Variants in DSCAM observed in about 807,000 individuals in gnomAD.
DSCAM encodes the protein cell adhesion molecule DSCAM.
Under a neutral mutation model 217.7 loss-of-function variants are expected in DSCAM, and 47 were observed. The observed-to-expected ratio is 0.22, with a 90% CI of 0.17 to 0.28. The LOEUF is 0.28. DSCAM is among the 10% of genes least tolerant of loss of function. DSCAM has a pLI of 1.00. For synonymous variants in DSCAM, 1,056 were observed against 1,015.3 expected (o/e 1.04, Z -0.76); for missense variants, 2,080 against 2,618.3 (o/e 0.79, Z 4.49).
intron 3 of DSCAM, among the ~76,000 whole-genome samples, chr21:40,447,078 TGCAGATGAGATCCCTTCCCTAGCA>T (rs1422697559): frequency 2.0e-5 from 3 of 152,160 alleles, no homozygotes; most frequent in Admixed American, 2.0e-4. Context: ...TGGTGTGGGA[TGCAGATGAGATCCCTTCCCTAGCA>T]GCACAGGGGT....
chr21:40,329,791 A>T (rs931014517), intron 8 of DSCAM, among the ~76,000 whole-genome samples: 1 of 152,178 alleles, frequency 6.6e-6, no homozygotes, highest in Non-Finnish European at 1.5e-5. Context: ...AGCCAGGCAC[A>T]TAAAGGCAAA....
At chr21:40,465,477 G>T (rs2075837115) in intron 3 of DSCAM, among the ~76,000 whole-genome samples, 1 of 152,110 alleles carries the variant, frequency 6.6e-6, no homozygotes, top group Admixed American at 6.5e-5. Flanking sequence ...TGTTCAAATG[G>T]ATCCAGATCA....
intron 3 of DSCAM, among the ~76,000 whole-genome samples, chr21:40,416,703 A>C (rs1400904106): frequency 6.6e-6 from 1 of 152,162 alleles, no homozygotes; most frequent in Non-Finnish European, 1.5e-5. Flanking sequence ...CTAAAAGAAA[A>C]TAAGGATCCT....
intron 1 of DSCAM, among the ~76,000 whole-genome samples, chr21:40,799,424 C>T (rs1054003881): frequency 6.6e-6 from 1 of 152,126 alleles, no homozygotes; most frequent in East Asian, 1.9e-4. Context: ...AATTATTCTA[C>T]AGTATTAGAT....
intron 3 of DSCAM, among the ~76,000 whole-genome samples, chr21:40,515,368 C>T (rs978715497): frequency 1.3e-5 from 2 of 152,288 alleles, no homozygotes; most frequent in African/African-American, 2.4e-5. Flanking sequence ...CAAGTTGCCT[C>T]ATTTTCTCCA....
intron 11 of DSCAM, among the ~76,000 whole-genome samples, chr21:40,262,721 G>A (rs1452649798): frequency 2.0e-5 from 3 of 152,230 alleles, no homozygotes; most frequent in Non-Finnish European, 4.4e-5. Flanking sequence ...CTACAAGTAT[G>A]TGACTGATGG....
chr21:40,167,373 G>A (rs2090608569), intron 15 of DSCAM, 85 bp from the exon 16 acceptor site: 1 of 1,171,646 alleles, frequency 8.5e-7, no homozygotes, highest in Non-Finnish European at 1.3e-6. Flanking sequence ...GGTCCCCGAG[G>A]ACAACCCATC....
intron 3 of DSCAM, among the ~76,000 whole-genome samples, chr21:40,543,611 G>C (rs965561017): frequency 6.6e-6 from 1 of 152,066 alleles, no homozygotes; most frequent in Non-Finnish European, 1.5e-5. Flanking sequence ...GGGGGGCAGG[G>C]ATCCCAAATC....
intron 3 of DSCAM, among the ~76,000 whole-genome samples, chr21:40,411,727 T>TA (rs775622673): frequency 5.3e-5 from 8 of 152,128 alleles, no homozygotes. Flanking sequence ...CCAATATAAG[T>TA]AATGAAATAC....
At chr21:40,079,803 G>C (rs1269492693) in intron 25 of DSCAM, among the ~76,000 whole-genome samples, 2 of 110,710 alleles carry the variant, frequency 1.8e-5, no homozygotes, top group African/African-American at 2.7e-5. Flanking sequence ...TGATAGGAAG[G>C]TGGGAGCAAG....
chr21:40,171,570 TA>T (rs1389834089), intron 15 of DSCAM, among the ~76,000 whole-genome samples: 3,022 of 123,892 alleles, frequency 0.024, 65 homozygotes, highest in African/African-American at 0.064. Flanking sequence ...TCCCTCCTCC[TA>T]AAAAAAAAAA....
At chr21:40,525,328 T>A (rs2076392370) in intron 3 of DSCAM, among the ~76,000 whole-genome samples, 2 of 152,182 alleles carry the variant, frequency 1.3e-5, no homozygotes, top group South Asian at 4.1e-4. Flanking sequence ...ATGAGGCATG[T>A]CTTCCTCTTT....
At chr21:40,348,235 T>C (rs111799292) in intron 5 of DSCAM, among the ~76,000 whole-genome samples, 3 of 150,138 alleles carry the variant, frequency 2.0e-5, no homozygotes, top group East Asian at 2.0e-4. Context: ...AGCCACATTA[T>C]TGCAATCATA....
At chr21:40,597,492 G>T (rs1358894106) in intron 3 of DSCAM, among the ~76,000 whole-genome samples, 11 of 120,270 alleles carry the variant, frequency 9.1e-5, no homozygotes, top group South Asian at 5.5e-4. Context: ...CTTTTTTACA[G>T]TAATAGGCTT....
At chr21:40,343,826 ACTTT>A in intron 6 of DSCAM, among the ~76,000 whole-genome samples, 1 of 149,866 alleles carries the variant, frequency 6.7e-6, no homozygotes, top group Non-Finnish European at 1.5e-5. Context: ...ATTTTATTTT[ACTTT>A]ATTTTATTTA....
At chr21:40,372,203 C>A (rs1720722816) in intron 3 of DSCAM, among the ~76,000 whole-genome samples, 1 of 152,214 alleles carries the variant, frequency 6.6e-6, no homozygotes, top group African/African-American at 2.4e-5. Flanking sequence ...CTGTACCCCA[C>A]TTGCTACCTT....
chr21:40,832,405 G>A (rs558982359), intron 1 of DSCAM, among the ~76,000 whole-genome samples: 1 of 152,228 alleles, frequency 6.6e-6, no homozygotes, highest in South Asian at 2.1e-4. Flanking sequence ...TAATTACAAG[G>A]AGGATATCTT....
chr21:40,170,662 G>A (rs1354061378), intron 15 of DSCAM, among the ~76,000 whole-genome samples: 1 of 152,196 alleles, frequency 6.6e-6, no homozygotes, highest in East Asian at 1.9e-4. Context: ...TCATGGAATG[G>A]ATTTCCCTCA....
At chr21:40,234,592 C>A (rs2091409992) in intron 11 of DSCAM, among the ~76,000 whole-genome samples, 1 of 152,172 alleles carries the variant, frequency 6.6e-6, no homozygotes, top group Non-Finnish European at 1.5e-5. Context: ...GTAGCCTCAG[C>A]ATTCTGTTTC....
Sources: gnomAD v4.1 joint callset for allele counts (sites outside exome capture counted in the v4.1 genomes callset) on GRCh38, gnomAD v4.1.1 for gene constraint, MANE v1.5 for transcripts, NCBI Gene and HGNC (gene_info 2026-07-23, HGNC 2026-07-21) for gene names.